Variants in EXOC6B observed in about 807,000 individuals in gnomAD.
The protein encoded by EXOC6B is SEC15 homolog B.
In EXOC6B, 54 loss-of-function variants were observed where a neutral mutation model predicts 113.5. The observed-to-expected ratio is 0.48, with a 90% CI of 0.38 to 0.60. The LOEUF (loss-of-function observed/expected upper bound fraction) is 0.60. EXOC6B is among the 20% of genes least tolerant of loss of function. EXOC6B has a pLI of 0.00. For synonymous variants in EXOC6B, 357 were observed against 339.0 expected (o/e 1.05, Z -0.58); for missense variants, 797 against 977.5 (o/e 0.82, Z 2.46).
At chr2:72,783,543 C>T (rs1358988930) in intron 1 of EXOC6B, among the ~76,000 whole-genome samples, 1 of 151,870 alleles carries the variant, frequency 6.6e-6, no homozygotes, top group Non-Finnish European at 1.5e-5. Context: ...AGGCTGGTCT[C>T]AAACTCCTGA....
rs1444159238 is a variant in EXOC6B, at chr2:72,178,443, G to C, written c.*892C>G. 6.6e-6 allele frequency: 1 copy of C among 152,270 alleles called. No individual in the cohort carries two copies. The highest frequency in any genetic ancestry group is 1.5e-5 in the Non-Finnish European group (1 of 68,056). 9.4% of individuals were successfully genotyped at this position (152,270 alleles called of 1,614,324 possible). Reference sequence around the variant, plus strand: ...CAATGGCATTACTGGAGGAGGCTAAGTCTGAAACGCCCTGTGAAGGCCTAT... The same window carrying C: ...CAATGGCATTACTGGAGGAGGCTAACTCTGAAACGCCCTGTGAAGGCCTAT... On this transcript the variant is annotated 3_prime_UTR_variant, in exon 22 of 22. Coordinates refer to ENST00000272427, the MANE Select transcript of EXOC6B (RefSeq NM_015189.3).
At chr2:72,561,713 TA>T (rs935047371) in intron 7 of EXOC6B, among the ~76,000 whole-genome samples, 1 of 152,084 alleles carries the variant, frequency 6.6e-6, no homozygotes, top group African/African-American at 2.4e-5. Context: ...GCATACTATT[TA>T]AAAAAATGGA....
chr2:72,545,336 C>T (rs1451774889), intron 8 of EXOC6B, among the ~76,000 whole-genome samples: 1 of 151,906 alleles, frequency 6.6e-6, no homozygotes, highest in Non-Finnish European at 1.5e-5. Context: ...TGTTTGACTA[C>T]ATTTTTTGAA....
At chr2:72,465,041 G>T in intron 18 of EXOC6B, 119 bp downstream of exon 18, 2 of 762,416 alleles carry the variant, frequency 2.6e-6, no homozygotes, top group Non-Finnish European at 4.4e-6. Context: ...TATAGCATGC[G>T]CCTTTATATA....
intron 17 of EXOC6B, among the ~76,000 whole-genome samples, chr2:72,469,929 A>C (rs1176747398): frequency 2.0e-5 from 3 of 152,116 alleles, no homozygotes; most frequent in Non-Finnish European, 4.4e-5. Flanking sequence ...TCCATCTTTG[A>C]TCTTCTAAAG....
At position 72,334,960 on chromosome 2, in the gene EXOC6B, A is replaced by G; in HGVS notation, c.2183T>C (p.Ile728Thr). ...FQEDTLQLAF[I>T]DLRQLLDLFI... The stretch of plus-strand genomic sequence containing the variant: ...ACAAAGACTTACTTGTCTCAAGTCG[A>G]TGAAGGCCAACTGCAGCGTGTCCTC... Residue 728 changes from isoleucine (I) to threonine (T), a missense_variant, in exon 20 of 22, where the codon ATC becomes ACC. Ile to Thr is a moderately conservative substitution (Grantham distance 89). Transcript: ENST00000272427. 3 of 1,613,402 alleles carry G rather than the reference A, an allele frequency of 1.9e-6. No homozygotes were observed. Among genetic ancestry groups the G allele is most frequent in the Non-Finnish European group, 2.5e-6 (3 of 1,179,502 alleles).
chr2:72,825,557 G>A lies in EXOC6B; in HGVS notation c.113+241C>T, dbSNP rs1356604964. Among the ~76,000 whole-genome samples, 1 of 152,176 alleles carries A rather than the reference G, an allele frequency of 6.6e-6. No individual in the cohort carries two copies. The highest frequency in any genetic ancestry group is 2.1e-4 in the South Asian group (1 of 4,830). On this transcript the variant is annotated intron_variant, in intron 1 of 21. Coordinates refer to ENST00000272427, the MANE Select transcript of EXOC6B (RefSeq NM_015189.3). This position sits in a 1 kb window ranked among gnomAD's most constrained non-coding sequence, Gnocchi z 4.4. ...GCCGGACCAGCCTCGGAGGGAGAAC[G>A]AAGGCTGCTCCTGCCCCGAGGGAGG...
At chr2:72,591,865 T>G (rs775803791) in intron 6 of EXOC6B, among the ~76,000 whole-genome samples, 3 of 152,106 alleles carry the variant, frequency 2.0e-5, no homozygotes, top group Admixed American at 6.5e-5. Context: ...TATAAATGTC[T>G]GCTAATAGGG....
At chr2:72,778,985 A>G (rs773303783) in intron 1 of EXOC6B, among the ~76,000 whole-genome samples, 22 of 152,280 alleles carry the variant, frequency 1.4e-4, no homozygotes, top group Non-Finnish European at 2.5e-4. Context: ...ATATGTCCAT[A>G]TATAGTATGT....
chr2:72,248,061 T>C (rs1299256588), intron 20 of EXOC6B, among the ~76,000 whole-genome samples: 2 of 152,200 alleles, frequency 1.3e-5, no homozygotes, highest in South Asian at 2.1e-4. Flanking sequence ...CTCTGGGATA[T>C]TGGTTTGTTC....
At chr2:72,409,320 T>G (rs601217) in intron 18 of EXOC6B, among the ~76,000 whole-genome samples, 53,948 of 152,066 alleles carry the variant, frequency 0.35, 15,382 homozygotes, top group African/African-American at 0.79. Context: ...AATTCCTCAG[T>G]GATCTAGAAC....
chr2:72,702,901 T>C (rs1185004059), intron 6 of EXOC6B, among the ~76,000 whole-genome samples: 6 of 151,376 alleles, frequency 4.0e-5, no homozygotes, highest in Non-Finnish European at 7.4e-5. Context: ...TAGTTTCTTT[T>C]GCTGTGCAGA....
At chr2:72,312,317 T>C (rs543531070) in intron 20 of EXOC6B, among the ~76,000 whole-genome samples, 221 of 149,636 alleles carry the variant, frequency 1.5e-3, no homozygotes, top group African/African-American at 2.9e-3. Flanking sequence ...TTTTTTTTTT[T>C]CCCCAACTGA....
chr2:72,812,968 A>G (rs1686006566), intron 1 of EXOC6B, among the ~76,000 whole-genome samples: 1 of 152,184 alleles, frequency 6.6e-6, no homozygotes, highest in Non-Finnish European at 1.5e-5. Context: ...CAAGCTACAG[A>G]GTAGGAAAAA....
intron 18 of EXOC6B, among the ~76,000 whole-genome samples, chr2:72,447,760 C>T (rs1696673646): frequency 6.6e-6 from 1 of 152,142 alleles, no homozygotes; most frequent in Admixed American, 6.5e-5. Flanking sequence ...CTGTGTCTTT[C>T]CTTGTACTTG....
At chr2:72,621,965 T>G (rs2104193126) in intron 6 of EXOC6B, among the ~76,000 whole-genome samples, 1 of 152,188 alleles carries the variant, frequency 6.6e-6, no homozygotes, top group South Asian at 2.1e-4. Context: ...TAAAACTAAA[T>G]TTTTAATTAA....
At chr2:72,516,759 G>A (rs1328608459) in intron 8 of EXOC6B, among the ~76,000 whole-genome samples, 1 of 152,048 alleles carries the variant, frequency 6.6e-6, no homozygotes, top group Non-Finnish European at 1.5e-5. Flanking sequence ...TAATAAGTGT[G>A]CCATGGTTTT....
intron 2 of EXOC6B, among the ~76,000 whole-genome samples, chr2:72,736,315 A>G (rs1279509922): frequency 6.6e-6 from 1 of 152,184 alleles, no homozygotes; most frequent in Admixed American, 6.5e-5. Context: ...AATAATGGGC[A>G]TCTTAGAGTA....
intron 18 of EXOC6B, among the ~76,000 whole-genome samples, chr2:72,440,384 G>C (rs886941540): frequency 6.6e-6 from 1 of 152,156 alleles, no homozygotes; most frequent in Non-Finnish European, 1.5e-5. Context: ...AAGAGGCTGG[G>C]GGGCCAATAT....
Sources: allele counts gnomAD v4.1 joint callset (sites outside exome capture counted in the v4.1 genomes callset), GRCh38; gene constraint gnomAD v4.1.1; non-coding constraint Gnocchi (gnomAD v3.1); transcripts MANE v1.5; gene names NCBI Gene and HGNC (gene_info 2026-07-23, HGNC 2026-07-21).